Variants in HPSE2 observed in about 807,000 individuals in gnomAD.
HPSE2 encodes inactive heparanase-2.
HPSE2 carries 38 observed loss-of-function variants against 60.5 expected under a neutral mutation model. That is an observed-to-expected ratio of 0.63 (90% CI 0.48 to 0.82). The LOEUF (loss-of-function observed/expected upper bound fraction) is 0.82, where lower values mean the gene tolerates loss of function less well. Among genes scored for constraint, HPSE2 ranks in the 40% least tolerant of loss-of-function variants. The pLI is 0.00. For synonymous variants in HPSE2, 295 were observed against 293.2 expected (o/e 1.01, Z -0.06); for missense variants, 713 against 740.4 (o/e 0.96, Z 0.43).
intron 11 of HPSE2, among the ~76,000 whole-genome samples, chr10:98,481,080 C>T (rs1941216555): frequency 1.3e-5 from 2 of 152,316 alleles, no homozygotes; most frequent in South Asian, 2.1e-4. Context: ...ACAGTGCACA[C>T]AGTCTTCCTG....
chr10:99,211,297 A>T (rs1848946803), intron 2 of HPSE2, among the ~76,000 whole-genome samples: 1 of 152,188 alleles, frequency 6.6e-6, no homozygotes, highest in African/African-American at 2.4e-5. Context: ...ATCCAAAGAG[A>T]TTCAATGCTG....
At chr10:98,774,475 G>T (rs935575753) in intron 3 of HPSE2, among the ~76,000 whole-genome samples, 1 of 152,164 alleles carries the variant, frequency 6.6e-6, no homozygotes, top group Admixed American at 6.5e-5. Flanking sequence ...TATTGTTAGT[G>T]TTATCCATGT....
At chr10:98,508,407 C>T (rs960293093) in intron 9 of HPSE2, among the ~76,000 whole-genome samples, 9 of 152,282 alleles carry the variant, frequency 5.9e-5, no homozygotes, top group South Asian at 2.1e-4. Flanking sequence ...ATGTGTTCCC[C>T]GAGGTCTAAG....
intron 3 of HPSE2, among the ~76,000 whole-genome samples, chr10:99,138,732 G>A (rs1008492509): frequency 1.3e-5 from 2 of 152,140 alleles, no homozygotes; most frequent in African/African-American, 4.8e-5. Context: ...TCACACACCA[G>A]GGCCTTTTGG....
chr10:98,892,408 T>C (rs1178504584), intron 3 of HPSE2, among the ~76,000 whole-genome samples: 1 of 152,216 alleles, frequency 6.6e-6, no homozygotes, highest in East Asian at 1.9e-4. Context: ...TAATTTATCC[T>C]GACACCACCA....
At chr10:98,796,183 A>T (rs1336645633) in intron 3 of HPSE2, among the ~76,000 whole-genome samples, 2 of 152,238 alleles carry the variant, frequency 1.3e-5, no homozygotes, top group African/African-American at 4.8e-5. Flanking sequence ...CTTAGGTATC[A>T]GCTCAGCCAC....
chr10:99,209,288 T>C (rs1379357469), intron 2 of HPSE2, among the ~76,000 whole-genome samples: 1 of 152,168 alleles, frequency 6.6e-6, no homozygotes, highest in Non-Finnish European at 1.5e-5. Context: ...TCATATCAAA[T>C]ATATTTTCCA....
In HPSE2 at chr10:98,796,179, T is replaced by C. The variant is rs186512936; in HGVS notation, c.611-52123A>G. Reference sequence around the variant, plus strand: ...ACTTTGTCTTGCACCTTGCCTTAGGTATCAGCTCAGCCACAGTGAGGTAAA... The same window carrying C: ...ACTTTGTCTTGCACCTTGCCTTAGGCATCAGCTCAGCCACAGTGAGGTAAA... On this transcript the variant is annotated intron_variant, in intron 3 of 11. Coordinates refer to ENST00000370552, the MANE Select transcript of HPSE2 (RefSeq NM_021828.5). Among the ~76,000 whole-genome samples the C allele has an allele frequency of 4.3e-4, 66 of 152,300 alleles. 1 individual carries two copies. Among genetic ancestry groups the C allele is most frequent in the African/African-American group, 1.6e-3 (66 of 41,570 alleles).
chr10:98,983,713 T>G (rs535187324), intron 3 of HPSE2, among the ~76,000 whole-genome samples: 20 of 152,218 alleles, frequency 1.3e-4, no homozygotes, highest in African/African-American at 4.8e-4. Flanking sequence ...ACCCGGGAAG[T>G]GCAAGGGGTC....
the HPSE2 span, among the ~76,000 whole-genome samples, chr10:99,295,232 T>C: frequency 6.6e-6 from 1 of 152,096 alleles, no homozygotes; most frequent in East Asian, 1.9e-4. Context: ...AATTTTAAAA[T>C]AGAGAAATTG....
At chr10:98,993,915 AAC>A (rs1182607156) in intron 3 of HPSE2, among the ~76,000 whole-genome samples, 2 of 152,216 alleles carry the variant, frequency 1.3e-5, no homozygotes, top group African/African-American at 4.8e-5. Flanking sequence ...ATAAGGATAA[AAC>A]AGAGTTTTCC....
At chr10:99,009,224 C>A in intron 3 of HPSE2, among the ~76,000 whole-genome samples, 1 of 93,416 alleles carries the variant, frequency 1.1e-5, no homozygotes, top group East Asian at 3.3e-4. Context: ...GGCAACATAA[C>A]AAGGCCCAGT....
intron 3 of HPSE2, among the ~76,000 whole-genome samples, chr10:99,041,774 C>G (rs1192637936): frequency 6.6e-6 from 1 of 152,098 alleles, no homozygotes; most frequent in Non-Finnish European, 1.5e-5. Context: ...AGCACTCTGG[C>G]CCTGCATTTC....
At chr10:98,463,988 A>T (rs2133584840) in intron 11 of HPSE2, among the ~76,000 whole-genome samples, 2 of 152,218 alleles carry the variant, frequency 1.3e-5, no homozygotes, top group South Asian at 4.1e-4. Flanking sequence ...GTGGTGGCGC[A>T]CACCTGTAAT....
chr10:98,708,690 T>A (rs775538454), intron 5 of HPSE2, among the ~76,000 whole-genome samples: 1 of 152,106 alleles, frequency 6.6e-6, no homozygotes, highest in Non-Finnish European at 1.5e-5. Context: ...CTACACTTAG[T>A]TTGAGGAGGA....
At chr10:98,544,024 T>G (rs1343065017) in intron 9 of HPSE2, among the ~76,000 whole-genome samples, 1 of 150,796 alleles carries the variant, frequency 6.6e-6, no homozygotes, top group Non-Finnish European at 1.5e-5. Context: ...CAACAGAATA[T>G]ACATTTTTTT....
At chr10:98,580,083 T>C (rs1157858229) in intron 9 of HPSE2, among the ~76,000 whole-genome samples, 1 of 152,212 alleles carries the variant, frequency 6.6e-6, no homozygotes, top group African/African-American at 2.4e-5. Context: ...AAAGTATTGC[T>C]CTATTGTATT....
the HPSE2 span, among the ~76,000 whole-genome samples, chr10:99,271,897 C>G: frequency 2.0e-5 from 3 of 152,150 alleles, no homozygotes; most frequent in Non-Finnish European, 4.4e-5. Context: ...GGAAAGGACA[C>G]CCTATTCAAC....
intron 5 of HPSE2, among the ~76,000 whole-genome samples, chr10:98,718,763 G>C (rs1948851057): frequency 6.6e-6 from 1 of 152,050 alleles, no homozygotes; most frequent in Non-Finnish European, 1.5e-5. Context: ...GTAGAGAATT[G>C]GTGGTAACCA....
Sources: gnomAD v4.1 joint callset for allele counts (sites outside exome capture counted in the v4.1 genomes callset) on GRCh38, gnomAD v4.1.1 for gene constraint, MANE v1.5 for transcripts, NCBI Gene and HGNC (gene_info 2026-07-23, HGNC 2026-07-21) for gene names.